MMS22L: variants seen among roughly 807,000 people sequenced by gnomAD.
The protein encoded by MMS22L is MMS22 like, DNA repair protein, also known as protein MMS22-like.
Under a neutral mutation model 159.1 loss-of-function variants are expected in MMS22L, and 74 were observed. The ratio of observed to expected loss-of-function variants is 0.47; its 90% confidence interval spans 0.39 to 0.56. MMS22L has a LOEUF of 0.56. Among genes scored for constraint, MMS22L ranks in the 20% least tolerant of loss-of-function variants. The pLI, the probability that MMS22L is intolerant of heterozygous loss-of-function variation, is 0.00. For synonymous variants in MMS22L, 517 were observed against 506.9 expected, an observed-to-expected ratio of 1.02 and a Z score of -0.27; for missense variants, 1,351 against 1,422.1, an observed-to-expected ratio of 0.95 and a Z score of 0.80.
At chr6:97,172,976 A>G in intron 19 of MMS22L, 87 bp downstream of exon 19, 1 of 1,290,262 alleles carries the variant, frequency 7.8e-7, no homozygotes, top group South Asian at 1.5e-5. Context: ...GAGGGTAGTG[A>G]TTTAGCCAAT....
At chr6:97,172,148 GC>G (rs535303974) in intron 19 of MMS22L, among the ~76,000 whole-genome samples, 12 of 152,064 alleles carry the variant, frequency 7.9e-5, no homozygotes, top group Non-Finnish European at 1.2e-4. Flanking sequence ...AAGCATGAAT[GC>G]CAATATATTT....
chr6:97,223,625 C>G (rs1175438973), intron 14 of MMS22L, among the ~76,000 whole-genome samples: 1 of 152,068 alleles, frequency 6.6e-6, no homozygotes, highest in Admixed American at 6.5e-5. Context: ...TAACTGAATA[C>G]CTAAATAACT....
intron 9 of MMS22L, chr6:97,259,502 T>A (rs1814211499): frequency 6.6e-6 from 1 of 152,158 alleles, no homozygotes; most frequent in Non-Finnish European, 1.5e-5. Flanking sequence ...TGCTTCATAC[T>A]GAAACACTGT....
intron 14 of MMS22L, among the ~76,000 whole-genome samples, chr6:97,218,828 C>T (rs919336899): frequency 6.6e-6 from 1 of 152,108 alleles, no homozygotes; most frequent in African/African-American, 2.4e-5. Flanking sequence ...CCTCAGGGAA[C>T]CCAAAATCAT....
chr6:97,254,734 C>A lies in MMS22L; in HGVS notation c.943-1G>T. On this transcript the variant is annotated splice_acceptor_variant, in intron 9 of 24. Transcript: ENST00000683635. LOFTEE classifies it high-confidence loss of function. The stretch of plus-strand genomic sequence containing the variant: ...GTTTATTCAACCAGTTCCAAAATGA[C>A]TATAGAAACAGAAGTAATTTGATTC... The A allele has an allele frequency of 6.3e-7, 1 of 1,584,188 alleles. No individual in the cohort carries two copies. Among genetic ancestry groups the A allele is most frequent in the Non-Finnish European group, 8.6e-7 (1 of 1,169,194 alleles).
intron 14 of MMS22L, among the ~76,000 whole-genome samples, chr6:97,203,607 G>A (rs766507571): frequency 3.9e-5 from 6 of 152,154 alleles, no homozygotes; most frequent in Non-Finnish European, 8.8e-5. Flanking sequence ...CATTCCACAG[G>A]ATCAAAGCAA....
intron 14 of MMS22L, among the ~76,000 whole-genome samples, chr6:97,188,677 CTCTT>C (rs1322626861): frequency 1.3e-5 from 2 of 152,156 alleles, no homozygotes; most frequent in Non-Finnish European, 2.9e-5. Flanking sequence ...AAATTATCTT[CTCTT>C]TCTACTTAGG....
At chr6:97,225,034 GTC>G (rs1040172999) in intron 14 of MMS22L, among the ~76,000 whole-genome samples, 11 of 152,240 alleles carry the variant, frequency 7.2e-5, no homozygotes, top group Non-Finnish European at 1.2e-4. Flanking sequence ...CCACAAAAAA[GTC>G]TCTGTTTCCA....
rs182236558 is a variant in MMS22L, at chr6:97,249,589, A to C, written c.1120-2899T>G. Reference sequence around the variant, plus strand: ...TCTTGACATAGTGCTTCCTCAAAAAAATTTCCCCATTTCACAGAAAACATA... The same window carrying C: ...TCTTGACATAGTGCTTCCTCAAAAACATTTCCCCATTTCACAGAAAACATA... On this transcript the variant is annotated intron_variant, in intron 10 of 24. Transcript: ENST00000683635. Among the ~76,000 whole-genome samples the C allele has an allele frequency of 5.9e-5, 9 of 152,250 alleles. No individual in the cohort carries two copies. The East Asian group carries it at 1.5e-3, about 26-fold the overall frequency.
In MMS22L at chr6:97,161,984, A is replaced by G. The variant is rs372337298; in HGVS notation, c.3385+18T>C. The stretch of plus-strand genomic sequence containing the variant: ...TTGTAAAAAGAAAATGGTAACAAAA[A>G]TAAGCTTACAAACAAACCTTGTGGT... On this transcript the variant is annotated intron_variant, in intron 22 of 24. Coordinates refer to ENST00000683635, the MANE Select transcript of MMS22L (RefSeq NM_001350599.2). The G allele has an allele frequency of 6.3e-7, 1 of 1,596,968 alleles. No individual in the cohort carries two copies. Among genetic ancestry groups the G allele is most frequent in the African/African-American group, 1.4e-5 (1 of 73,822 alleles).
intron 13 of MMS22L, chr6:97,231,143 T>C (rs1338294577): frequency 1.8e-5 from 6 of 332,760 alleles, no homozygotes; most frequent in Non-Finnish European, 3.4e-5. Flanking sequence ...TACTATACTG[T>C]GGTCAGTTCT....
At chr6:97,226,432 T>C (rs1351021680) in intron 14 of MMS22L, among the ~76,000 whole-genome samples, 2 of 151,950 alleles carry the variant, frequency 1.3e-5, no homozygotes, top group East Asian at 3.9e-4. Flanking sequence ...CTGCTTCTAT[T>C]AAAACATAAA....
At chr6:97,204,927 T>C (rs1367312148) in intron 14 of MMS22L, among the ~76,000 whole-genome samples, 2 of 145,182 alleles carry the variant, frequency 1.4e-5, no homozygotes, top group African/African-American at 5.1e-5. Flanking sequence ...TTGAGGGCCA[T>C]GTACAGTGTC....
intron 10 of MMS22L, 35 bp from the exon 11 acceptor site, chr6:97,246,725 G>T (rs1386430296): frequency 2.7e-6 from 4 of 1,467,314 alleles, no homozygotes; most frequent in Non-Finnish European, 3.8e-6. Flanking sequence ...CAAAATTATT[G>T]CTCTTGATTA....
Position 97,178,340 on chromosome 6 carries a change from T to C in MMS22L, c.2679+103A>G, listed in dbSNP as rs1804330358. ...GCAGGCAATCAATAATATGATTCAA[T>C]TTATAAGAATTCATTTTATAGAAAA... On this transcript the variant is annotated intron_variant, in intron 18 of 24. Coordinates refer to ENST00000683635, the MANE Select transcript of MMS22L (RefSeq NM_001350599.2). 1.2e-5 allele frequency: 11 copies of C among 889,478 alleles called. No homozygotes were observed. The South Asian group carries it at 2.1e-4, about 17-fold the overall frequency. The allele number at this position is 889,478 out of a possible 1,614,324, so 55.1% of individuals were successfully genotyped here. A position where few individuals can be genotyped will look rare whatever the true frequency, so the allele number is the denominator to read the frequency against.
At chr6:97,213,056 C>CGTGT (rs754364178) in intron 14 of MMS22L, among the ~76,000 whole-genome samples, 2 of 151,534 alleles carry the variant, frequency 1.3e-5, no homozygotes, top group Non-Finnish European at 2.9e-5. Context: ...TGTGTGTGTG[C>CGTGT]GTGTGTGTGT....
chr6:97,235,475 T>C lies in MMS22L; in HGVS notation c.1183-1495A>G, dbSNP rs570235555. 2.0e-5 allele frequency among the ~76,000 whole-genome samples: 3 copies of C among 152,302 alleles called. No homozygotes were observed. In the East Asian group the frequency reaches 5.8e-4, roughly 29 times the overall value. ...AGAGCCATTTGATATTATAACATTTTCATATGAAGCAAGTGGAGAATATAT... is the reference window on the plus strand; with the variant it reads ...AGAGCCATTTGATATTATAACATTTCCATATGAAGCAAGTGGAGAATATAT... On this transcript the variant is annotated intron_variant, in intron 11 of 24. Transcript: ENST00000683635.
Position 97,254,753 on chromosome 6 carries a change from T to A in MMS22L, c.943-20A>T, listed in dbSNP as rs1813608705. ...AAATGACTATAGAAACAGAAGTAAT[T>A]TGATTCCATTAAGACAGTTTCAATA... On this transcript the variant is annotated intron_variant, in intron 9 of 24. Coordinates refer to ENST00000683635, the MANE Select transcript of MMS22L (RefSeq NM_001350599.2). 6.4e-7 allele frequency: 1 copy of A among 1,564,636 alleles called. No individual in the cohort carries two copies. Among genetic ancestry groups the A allele is most frequent in the Non-Finnish European group, 8.6e-7 (1 of 1,158,860 alleles).
chr6:97,242,309 T>C (rs755652681), intron 11 of MMS22L, among the ~76,000 whole-genome samples: 40 of 152,214 alleles, frequency 2.6e-4, no homozygotes, highest in African/African-American at 4.6e-4. Context: ...CTATTTAGGA[T>C]TGTGATATTC....
Sources: gnomAD v4.1 joint callset for allele counts (sites outside exome capture counted in the v4.1 genomes callset) on GRCh38, gnomAD v4.1.1 for gene constraint, MANE v1.5 for transcripts, NCBI Gene and HGNC (gene_info 2026-07-23, HGNC 2026-07-21) for gene names.